Variants in ADAM12 observed in about 807,000 individuals in gnomAD.
ADAM12 encodes ADAM metallopeptidase domain 12.
A neutral mutation model predicts 106.4 loss-of-function variants in ADAM12; 70 were observed. The ratio of observed to expected loss-of-function variants is 0.66; its 90% CI spans 0.54 to 0.80. ADAM12 has a LOEUF of 0.80. Ranked by LOEUF, ADAM12 falls within the 30% of genes least tolerant of loss-of-function variation. The pLI, the probability that ADAM12 is intolerant of heterozygous loss-of-function variation, is 0.00. For synonymous variants in ADAM12, 420 were observed against 433.5 expected (o/e 0.97, Z 0.39); for missense variants, 1,010 against 1,171.9 (o/e 0.86, Z 2.02).
At chr10:126,199,228 G>C (rs1957652540) in intron 3 of ADAM12, among the ~76,000 whole-genome samples, 3 of 152,184 alleles carry the variant, frequency 2.0e-5, no homozygotes, top group Non-Finnish European at 1.5e-5. Flanking sequence ...GTAAGAAAAA[G>C]TGATTTCAAA....
chr10:126,188,505 G>A (rs1590587971), intron 3 of ADAM12, among the ~76,000 whole-genome samples: 1 of 152,250 alleles, frequency 6.6e-6, no homozygotes, highest in Admixed American at 6.5e-5. Flanking sequence ...TATGCCTCAT[G>A]CATTTGGTGG....
intron 21 of ADAM12, among the ~76,000 whole-genome samples, chr10:126,034,843 CTG>C: frequency 6.6e-6 from 1 of 152,054 alleles, no homozygotes; most frequent in East Asian, 1.9e-4. Context: ...CAAAATAAAA[CTG>C]GAGTGGATAT....
intron 10 of ADAM12, among the ~76,000 whole-genome samples, chr10:126,095,209 T>C (rs915893034): frequency 2.6e-5 from 4 of 152,064 alleles, no homozygotes; most frequent in Admixed American, 2.0e-4. Context: ...TTAATCCCAA[T>C]ATGGCAGTAT....
At chr10:126,111,612 G>A (rs1004091039) in intron 6 of ADAM12, among the ~76,000 whole-genome samples, 8 of 152,258 alleles carry the variant, frequency 5.3e-5, no homozygotes, top group African/African-American at 1.7e-4. Context: ...TGAAATAAAC[G>A]ACCATGGGAT....
intron 11 of ADAM12, among the ~76,000 whole-genome samples, chr10:126,079,472 C>T (rs1383481808): frequency 5.3e-5 from 8 of 152,148 alleles, no homozygotes; most frequent in Non-Finnish European, 1.0e-4. Flanking sequence ...ATAGTGTTCT[C>T]GAGGTTCAGC....
At chr10:126,380,737 A>G (rs1379548940) in intron 1 of ADAM12, among the ~76,000 whole-genome samples, 1 of 152,232 alleles carries the variant, frequency 6.6e-6, no homozygotes, top group Non-Finnish European at 1.5e-5. Flanking sequence ...TACCAATTTC[A>G]CTTCTCCAGC....
chr10:126,049,331 C>T lies in ADAM12; in HGVS notation c.1839G>A (p.Arg613=), dbSNP rs752770333. 18 of 1,614,242 alleles carry T rather than the reference C, an allele frequency of 1.1e-5. No individual in the cohort carries two copies. Among genetic ancestry groups the T allele is most frequent in the Non-Finnish European group, 1.5e-5 (18 of 1,180,042 alleles). Residue 613 remains arginine, a synonymous_variant, in exon 16 of 23, where the codon CGG becomes CGA. Coordinates refer to ENST00000448723, the MANE Select transcript of ADAM12 (RefSeq NM_001288973.2). The surrounding 1 kb of genome is among the most constrained non-coding windows in gnomAD (Gnocchi z 4.4). The part of the protein sequence containing the change: ...PLQQGGRILC[R]GTHVYLGDDM... Reference sequence around the variant, plus strand: ...CATCGCCCAAGTACACGTGGGTCCCCCGGCACAGAATCCGGCCTCCTTGCT... The same window carrying T: ...CATCGCCCAAGTACACGTGGGTCCCTCGGCACAGAATCCGGCCTCCTTGCT...
At chr10:126,021,410 A>G (rs1317566266) in intron 21 of ADAM12, among the ~76,000 whole-genome samples, 1 of 152,180 alleles carries the variant, frequency 6.6e-6, no homozygotes, top group Non-Finnish European at 1.5e-5. Context: ...CAATATAATC[A>G]CCATTTAACA....
intron 1 of ADAM12, among the ~76,000 whole-genome samples, chr10:126,380,801 G>A (rs1856461489): frequency 6.6e-6 from 1 of 152,210 alleles, no homozygotes; most frequent in Non-Finnish European, 1.5e-5. Flanking sequence ...GCTTCATATA[G>A]CTCCCTGTGG....
chr10:126,229,216 C>T (rs1053170656), intron 3 of ADAM12, among the ~76,000 whole-genome samples: 2 of 151,990 alleles, frequency 1.3e-5, no homozygotes, highest in Admixed American at 6.6e-5. Flanking sequence ...CAGGGGCTTC[C>T]GGTGGAGGGA....
chr10:126,205,605 G>T (rs554364927), intron 3 of ADAM12, among the ~76,000 whole-genome samples: 1 of 152,328 alleles, frequency 6.6e-6, no homozygotes, highest in Admixed American at 6.5e-5. Context: ...AAAGGGACAG[G>T]CTTCCACAGG....
intron 6 of ADAM12, among the ~76,000 whole-genome samples, chr10:126,113,533 G>A (rs887837800): frequency 7.0e-6 from 1 of 143,778 alleles, no homozygotes; most frequent in African/African-American, 2.8e-5. Context: ...AGTGGTACAC[G>A]CCTGTAGTCC....
At chr10:126,123,413 G>C (rs963023077) in intron 5 of ADAM12, among the ~76,000 whole-genome samples, 3 of 152,236 alleles carry the variant, frequency 2.0e-5, no homozygotes, top group Non-Finnish European at 2.9e-5. Flanking sequence ...GGGAAAAGAT[G>C]AGAAGAAAGT....
At chr10:126,278,817 GTTCT>G (rs1959406931) in intron 3 of ADAM12, 94 bp downstream of exon 3, 2 of 865,614 alleles carry the variant, frequency 2.3e-6, no homozygotes, top group African/African-American at 1.7e-5. Context: ...CATGCATTTC[GTTCT>G]TTGTTTCTAA....
At chr10:126,148,115 C>T (rs1341868917) in intron 4 of ADAM12, among the ~76,000 whole-genome samples, 1 of 149,982 alleles carries the variant, frequency 6.7e-6, no homozygotes, top group Non-Finnish European at 1.5e-5. Flanking sequence ...ACAAATATTT[C>T]ATCCTGTCAG....
intron 2 of ADAM12, among the ~76,000 whole-genome samples, chr10:126,325,140 T>C (rs12570799): frequency 0.076 from 11,450 of 151,436 alleles, 560 homozygotes; most frequent in East Asian, 0.18. Flanking sequence ...CAAAAACATA[T>C]GAGAAGAAAC....
chr10:126,117,158 C>A (rs548222842), intron 6 of ADAM12, among the ~76,000 whole-genome samples: 3 of 152,292 alleles, frequency 2.0e-5, no homozygotes, highest in African/African-American at 7.2e-5. Flanking sequence ...TTCAGGGCCT[C>A]CAGCCAAATG....
intron 3 of ADAM12, among the ~76,000 whole-genome samples, chr10:126,155,810 A>G (rs989431116): frequency 6.6e-6 from 1 of 152,198 alleles, no homozygotes; most frequent in Admixed American, 6.5e-5. Context: ...GGCTGAAAAT[A>G]TTGAAATGTC....
At chr10:126,017,950 T>A (rs1196334067) in intron 22 of ADAM12, among the ~76,000 whole-genome samples, 1 of 152,246 alleles carries the variant, frequency 6.6e-6, no homozygotes, top group African/African-American at 2.4e-5. Context: ...TAAAGTAGTG[T>A]TTCTTCCTCA....
Sources: gnomAD v4.1 joint callset for allele counts (sites outside exome capture counted in the v4.1 genomes callset) on GRCh38, gnomAD v4.1.1 for gene constraint, Gnocchi (gnomAD v3.1) non-coding constraint, MANE v1.5 for transcripts, NCBI Gene and HGNC (gene_info 2026-07-23, HGNC 2026-07-21) for gene names.